GPR139: variants seen among roughly 807,000 people sequenced by gnomAD.
The protein encoded by GPR139 is G protein-coupled receptor 139.
In GPR139, 12 loss-of-function variants were observed where a neutral mutation model predicts 25.8. That is an observed-to-expected ratio of 0.47 (90% CI 0.30 to 0.75). The LOEUF (loss-of-function observed/expected upper bound fraction) is 0.75, where lower values mean the gene tolerates loss of function less well. Among genes scored for constraint, GPR139 ranks in the 30% least tolerant of loss-of-function variants. The probability of loss-of-function intolerance (pLI) is 0.07; values close to 1 mark genes in which losing one functional copy is unlikely to be tolerated. For missense variants in GPR139, 380 were observed against 450.2 expected, an observed-to-expected ratio of 0.84 and a Z score of 1.41; for synonymous variants, 184 against 179.9, an observed-to-expected ratio of 1.02 and a Z score of -0.18.
intron 1 of GPR139, among the ~76,000 whole-genome samples, chr16:20,062,752 G>A (rs145214735): frequency 8.5e-5 from 13 of 152,168 alleles, no homozygotes; most frequent in South Asian, 2.1e-4. Flanking sequence ...TAGTAGTCAC[G>A]TTAATAAAGT....
chr16:20,038,369 G>GTGTGTGTGTGTGTGTA (rs4028367), intron 1 of GPR139, among the ~76,000 whole-genome samples: 147 of 133,244 alleles, frequency 1.1e-3, no homozygotes, highest in East Asian at 2.3e-3. Flanking sequence ...GTGTGTGTGT[G>GTGTGTGTGTGTGTGTA]TATTCTATAG....
intron 1 of GPR139, among the ~76,000 whole-genome samples, chr16:20,061,231 A>ATGTG (rs1297010682): frequency 2.4e-5 from 2 of 81,710 alleles, no homozygotes; most frequent in African/African-American, 6.8e-5. Context: ...GGATGTGTGG[A>ATGTG]TGGATGGATG....
At position 20,030,543 on chromosome 16, in the gene GPR139, A is replaced by C. The variant is rs776044122; in HGVS notation, c.*1192T>G. ...AAGGGTAGAATAAATAAACACACTT[A>C]TATTTTATCATTTTACAAAGGATCT... is the stretch of plus-strand genomic sequence containing the variant. On this transcript the variant is annotated 3_prime_UTR_variant, in exon 2 of 2. Transcript: ENST00000570682. Among the ~76,000 whole-genome samples, 1 of 152,036 alleles carries C rather than the reference A, an allele frequency of 6.6e-6. No homozygotes were observed. Among genetic ancestry groups the C allele is most frequent in the African/African-American group, 2.4e-5 (1 of 41,376 alleles).
chr16:20,046,962 T>C (rs2057356280), intron 1 of GPR139, among the ~76,000 whole-genome samples: 1 of 152,098 alleles, frequency 6.6e-6, no homozygotes, highest in Admixed American at 6.5e-5. Context: ...TCTCAGCTAC[T>C]TGGGAGGCTG....
rs140112092 is a variant in GPR139 at position 20,029,537 on chromosome 16, C to T, written c.*2198G>A. On this transcript the variant is annotated 3_prime_UTR_variant, in exon 2 of 2. Transcript: ENST00000570682. Reference sequence around the variant, plus strand: ...AGGTAGCCTTTGGTCAATGTCCATTCATAAGGGGGTGTAGTGGCGTTGCAT... The same window carrying T: ...AGGTAGCCTTTGGTCAATGTCCATTTATAAGGGGGTGTAGTGGCGTTGCAT... Among the ~76,000 whole-genome samples the T allele has an allele frequency of 6.6e-5, 10 of 151,472 alleles. No individual in the cohort carries two copies. In the East Asian group the frequency reaches 1.4e-3, roughly 21 times the overall value.
At chr16:20,060,925 G>A (rs1454291938) in intron 1 of GPR139, among the ~76,000 whole-genome samples, 1 of 152,098 alleles carries the variant, frequency 6.6e-6, no homozygotes, top group Non-Finnish European at 1.5e-5. Flanking sequence ...CTTGAGGGGA[G>A]CTTTCCTTGA....
At chr16:20,049,538 G>GA (rs779395387) in intron 1 of GPR139, among the ~76,000 whole-genome samples, 5 of 152,184 alleles carry the variant, frequency 3.3e-5, no homozygotes, top group Admixed American at 6.5e-5. Flanking sequence ...TTTAATGTGC[G>GA]AAATCATCTG....
intron 1 of GPR139, among the ~76,000 whole-genome samples, chr16:20,072,873 C>T (rs1195854875): frequency 2.0e-5 from 3 of 152,196 alleles, no homozygotes; most frequent in Admixed American, 2.0e-4. Flanking sequence ...TGCACCCTTG[C>T]CCTGGCCAGG....
At position 20,041,229 on chromosome 16, in the gene GPR139, A is replaced by C; in HGVS notation, c.128-8560T>G. 8.1e-4 allele frequency among the ~76,000 whole-genome samples: 4 copies of C among 4,960 alleles called. 1 individual carries two copies. The highest frequency in any genetic ancestry group is 1.5e-3 in the African/African-American group (2 of 1,320). The allele number at this position is 4,960 out of a possible 152,430, so 3.3% of individuals were successfully genotyped here. The stretch of plus-strand genomic sequence containing the variant: ...AGGAGAGGAGAGGAGAGGAGAGGAG[A>C]GGAGAGGAGAGGAGAGGAGAGGGAA... On this transcript the variant is annotated intron_variant, in intron 1 of 1. Coordinates refer to ENST00000570682, the MANE Select transcript of GPR139 (RefSeq NM_001002911.4).
intron 1 of GPR139, among the ~76,000 whole-genome samples, chr16:20,036,153 A>G (rs1264244324): frequency 6.6e-6 from 1 of 152,168 alleles, no homozygotes; most frequent in African/African-American, 2.4e-5. Flanking sequence ...ACTTTGGTGA[A>G]GGGCCCTGAT....
chr16:20,039,204 G>A (rs1411317509), intron 1 of GPR139, among the ~76,000 whole-genome samples: 1 of 152,214 alleles, frequency 6.6e-6, no homozygotes, highest in Non-Finnish European at 1.5e-5. Context: ...CTGTGCTCAA[G>A]CTTGGGAGGA....
At chr16:20,065,086 G>C (rs1454129562) in intron 1 of GPR139, among the ~76,000 whole-genome samples, 1 of 151,674 alleles carries the variant, frequency 6.6e-6, no homozygotes, top group East Asian at 1.9e-4. Context: ...TGACCCCATT[G>C]GTGTTTTTTG....
chr16:20,032,552 AAC>A lies in GPR139; in HGVS notation c.243_244del (p.Phe82CysfsTer43). ...GAAATCTTCCAACAGGAAGTCCACA[AAC>A]ACTATGAAAAAGAGGACCAAGATGT... On this transcript the variant is annotated frameshift_variant, in exon 2 of 2. Coordinates refer to ENST00000570682, the MANE Select transcript of GPR139 (RefSeq NM_001002911.4). LOFTEE classifies it high-confidence loss of function. The A allele has an allele frequency of 6.2e-7, 1 of 1,614,194 alleles. No individual in the cohort carries two copies. Among genetic ancestry groups the A allele is most frequent in the East Asian group, 2.2e-5 (1 of 44,886 alleles).
At chr16:20,060,328 A>C (rs559232002) in intron 1 of GPR139, among the ~76,000 whole-genome samples, 1 of 150,886 alleles carries the variant, frequency 6.6e-6, no homozygotes, top group Non-Finnish European at 1.5e-5. Context: ...GTGTATCTGC[A>C]TGTATGTCTC....
At chr16:20,071,756 T>C (rs1348012046) in intron 1 of GPR139, among the ~76,000 whole-genome samples, 2 of 152,120 alleles carry the variant, frequency 1.3e-5, no homozygotes, top group Non-Finnish European at 2.9e-5. Flanking sequence ...GGCCTAAGTT[T>C]TTCCTCATTT....
rs377148994 is a variant in GPR139, at chr16:20,043,487, G to A, written c.128-10818C>T. On this transcript the variant is annotated intron_variant, in intron 1 of 1. Coordinates refer to ENST00000570682, the MANE Select transcript of GPR139 (RefSeq NM_001002911.4). ...ATTTATTTTTAAAATTATGCATTTAGTTTTAATGGTATTAGAGGAATGTTA... is the reference window on the plus strand; with the variant it reads ...ATTTATTTTTAAAATTATGCATTTAATTTTAATGGTATTAGAGGAATGTTA... Among the ~76,000 whole-genome samples the A allele has an allele frequency of 6.4e-4, 97 of 152,290 alleles. 1 individual carries two copies. Among genetic ancestry groups the A allele is most frequent in the African/African-American group, 2.2e-3 (93 of 41,556 alleles).
At chr16:20,048,433 T>A (rs2057361050) in intron 1 of GPR139, among the ~76,000 whole-genome samples, 1 of 152,206 alleles carries the variant, frequency 6.6e-6, no homozygotes, top group African/African-American at 2.4e-5. Context: ...GAGAACTTGC[T>A]AAATAGATCA....
chr16:20,032,741 G>T, intron 1 of GPR139, 72 bp from the exon 2 acceptor site: 1 of 1,118,054 alleles, frequency 8.9e-7, no homozygotes, highest in Non-Finnish European at 1.3e-6. Flanking sequence ...GGGGCCCTAG[G>T]CATATGTTTA....
intron 1 of GPR139, among the ~76,000 whole-genome samples, chr16:20,051,393 C>T (rs990202241): frequency 2.6e-5 from 4 of 152,170 alleles, no homozygotes; most frequent in Non-Finnish European, 5.9e-5. Flanking sequence ...GGCCCAGCTG[C>T]CCGCTCCCCA....
Sources: gnomAD v4.1 joint callset for allele counts (sites outside exome capture counted in the v4.1 genomes callset) on GRCh38, gnomAD v4.1.1 for gene constraint, MANE v1.5 for transcripts, NCBI Gene and HGNC (gene_info 2026-07-23, HGNC 2026-07-21) for gene names.